Variants in TAS2R1 observed in about 807,000 individuals in gnomAD.
TAS2R1 encodes taste 2 receptor member 1.
For missense variants in TAS2R1, 370 were observed against 353.4 expected, an observed-to-expected ratio of 1.05 and a Z score of -0.38; for synonymous variants, 141 against 134.2, an observed-to-expected ratio of 1.05 and a Z score of -0.35.
At chr5:9,839,105 C>T in the TAS2R1 span, among the ~76,000 whole-genome samples, 1 of 152,204 alleles carries the variant, frequency 6.6e-6, no homozygotes, top group African/African-American at 2.4e-5. Context: ...GAAGCCTGAG[C>T]TGCGCAGCCG....
At chr5:9,814,144 G>A in the TAS2R1 span, among the ~76,000 whole-genome samples, 1 of 152,110 alleles carries the variant, frequency 6.6e-6, no homozygotes, top group Non-Finnish European at 1.5e-5. Flanking sequence ...TTTTGCTGAG[G>A]TATGCAGCCC....
chr5:9,777,456 C>T, the TAS2R1 span, among the ~76,000 whole-genome samples: 9 of 152,220 alleles, frequency 5.9e-5, no homozygotes, highest in Non-Finnish European at 8.8e-5. Flanking sequence ...GCAATTCAGT[C>T]GCATCTTCGG....
At chr5:9,804,489 T>C in the TAS2R1 span, among the ~76,000 whole-genome samples, 1 of 152,270 alleles carries the variant, frequency 6.6e-6, no homozygotes, top group East Asian at 1.9e-4. Context: ...GACCATATGA[T>C]AGGCCACAAA....
Position 9,628,340 on chromosome 5 carries a change from A to T in TAS2R1, c.*793T>A, listed in dbSNP as rs959430508. On this transcript the variant is annotated 3_prime_UTR_variant, in exon 1 of 1. Coordinates refer to ENST00000382492, the MANE Select transcript of TAS2R1 (RefSeq NM_019599.3). Reference sequence around the variant, plus strand: ...TCTGGGTTGAAAGGGTCTCAAAGTCAGGCACACAAATACAAAATAAAACAT... The same window carrying T: ...TCTGGGTTGAAAGGGTCTCAAAGTCTGGCACACAAATACAAAATAAAACAT... Among the ~76,000 whole-genome samples the T allele has an allele frequency of 1.3e-5, 2 of 152,176 alleles. No homozygotes were observed. The highest frequency in any genetic ancestry group is 6.5e-5 in the Admixed American group (1 of 15,276).
At chr5:9,793,343 A>T in the TAS2R1 span, among the ~76,000 whole-genome samples, 9 of 152,244 alleles carry the variant, frequency 5.9e-5, no homozygotes, top group Non-Finnish European at 7.3e-5. Context: ...GTTTCAAAAC[A>T]ACTCAATACT....
chr5:9,799,021 C>T, the TAS2R1 span, among the ~76,000 whole-genome samples: 2 of 152,182 alleles, frequency 1.3e-5, no homozygotes, highest in East Asian at 1.9e-4. Context: ...TGCCACTTCA[C>T]CTGCTTTAGA....
chr5:9,816,393 C>A, the TAS2R1 span, among the ~76,000 whole-genome samples: 1 of 152,074 alleles, frequency 6.6e-6, no homozygotes, highest in East Asian at 1.9e-4. Flanking sequence ...AGATTCGAAG[C>A]ATTCTATTGT....
chr5:9,828,712 T>C, the TAS2R1 span, among the ~76,000 whole-genome samples: 1 of 152,206 alleles, frequency 6.6e-6, no homozygotes, highest in South Asian at 2.1e-4. Context: ...TAGAGATAAG[T>C]GGGAGATAAC....
chr5:9,657,869 T>A (rs888640330), intron 2 of TAS2R1, among the ~76,000 whole-genome samples: 1 of 152,188 alleles, frequency 6.6e-6, no homozygotes, highest in African/African-American at 2.4e-5. Flanking sequence ...TGAAAAAAGA[T>A]TAAAATGGTA....
At chr5:9,771,471 G>C in the TAS2R1 span, among the ~76,000 whole-genome samples, 2 of 152,184 alleles carry the variant, frequency 1.3e-5, no homozygotes, top group South Asian at 4.1e-4. Flanking sequence ...TTGGTCTGTA[G>C]GTTTATTTTT....
chr5:9,645,275 T>G (rs1350676890), intron 2 of TAS2R1, among the ~76,000 whole-genome samples: 1 of 152,184 alleles, frequency 6.6e-6, no homozygotes, highest in Non-Finnish European at 1.5e-5. Context: ...GATTATTAAG[T>G]TGAGGTGCAC....
the TAS2R1 span, among the ~76,000 whole-genome samples, chr5:9,893,073 C>T: frequency 2.0e-5 from 3 of 152,298 alleles, no homozygotes; most frequent in South Asian, 6.2e-4. Context: ...GGATAGGGTC[C>T]TGGCAGCAAT....
At chr5:9,774,108 T>A in the TAS2R1 span, among the ~76,000 whole-genome samples, 1 of 152,224 alleles carries the variant, frequency 6.6e-6, no homozygotes, top group Non-Finnish European at 1.5e-5. Context: ...CATTCTTTCT[T>A]ACTCTGCTTT....
intron 1 of TAS2R1, among the ~76,000 whole-genome samples, chr5:9,678,138 T>G (rs1449562762): frequency 6.6e-6 from 1 of 151,966 alleles, no homozygotes. Context: ...AACAGACATT[T>G]CTCAAAAGAA....
chr5:9,812,341 G>A, the TAS2R1 span, among the ~76,000 whole-genome samples: 1 of 151,984 alleles, frequency 6.6e-6, no homozygotes, highest in Non-Finnish European at 1.5e-5. Flanking sequence ...TATATATGAA[G>A]TTGAAGAGGT....
chr5:9,881,358 A>G, the TAS2R1 span, among the ~76,000 whole-genome samples: 2 of 152,204 alleles, frequency 1.3e-5, no homozygotes, highest in Non-Finnish European at 2.9e-5. Flanking sequence ...AAAGTCAGAG[A>G]GAACACAAAC....
intron 2 of TAS2R1, among the ~76,000 whole-genome samples, chr5:9,650,060 A>T (rs956954303): frequency 6.6e-6 from 1 of 152,164 alleles, no homozygotes; most frequent in African/African-American, 2.4e-5. Flanking sequence ...TTAATATAAA[A>T]AATAAAATTA....
the TAS2R1 span, among the ~76,000 whole-genome samples, chr5:9,864,981 T>G: frequency 6.6e-6 from 1 of 152,168 alleles, no homozygotes; most frequent in African/African-American, 2.4e-5. Flanking sequence ...GTTGACCTCC[T>G]CATATCTTCT....
the TAS2R1 span, among the ~76,000 whole-genome samples, chr5:9,774,153 C>G: frequency 6.6e-6 from 1 of 152,196 alleles, no homozygotes; most frequent in Non-Finnish European, 1.5e-5. Context: ...TTTCAAATAG[C>G]CTGTCTTCAA....
Sources: allele counts gnomAD v4.1 joint callset (sites outside exome capture counted in the v4.1 genomes callset), GRCh38; gene constraint gnomAD v4.1.1; transcripts MANE v1.5; gene names NCBI Gene and HGNC (gene_info 2026-07-23, HGNC 2026-07-21).